Variants in ADRA1B observed in about 807,000 individuals in gnomAD.
ADRA1B encodes adrenoceptor alpha 1B, also known as alpha-1B adrenergic receptor.
Under a neutral mutation model 17.9 loss-of-function variants are expected in ADRA1B, and 17 were observed. The ratio of observed to expected loss-of-function variants is 0.95; its 90% confidence interval spans 0.65 to 1.42. ADRA1B has a LOEUF of 1.42. Among genes scored for constraint, ADRA1B ranks in the 40% most tolerant of loss-of-function variants. ADRA1B has a pLI of 0.00. For missense variants in ADRA1B, 681 were observed against 722.1 expected (o/e 0.94, Z 0.65); for synonymous variants, 366 against 327.6 (o/e 1.12, Z -1.27).
At chr5:159,934,809 C>T (rs1374135207) in intron 1 of ADRA1B, among the ~76,000 whole-genome samples, 2 of 148,102 alleles carry the variant, frequency 1.4e-5, no homozygotes, top group African/African-American at 2.5e-5. Context: ...CAGAGCCAGA[C>T]TCCATCTCAA....
rs1386148155 is a variant in ADRA1B, at chr5:159,875,930, C to T, written c.-256+10724C>T. ...AGGGCCGGGCATGGTGGCTCACGCC[C>T]GTAATCCCAACACTTTGGGAGGCTG... On this transcript the variant is annotated intron_variant, in intron 1 of 2. Transcript: ENST00000641205. 4.6e-5 allele frequency among the ~76,000 whole-genome samples: 7 copies of T among 152,162 alleles called. 1 individual carries two copies. The East Asian group carries it at 9.6e-4, about 21-fold the overall frequency.
chr5:159,946,602 C>T (rs1458253622), intron 1 of ADRA1B, among the ~76,000 whole-genome samples: 1 of 152,166 alleles, frequency 6.6e-6, no homozygotes, highest in East Asian at 1.9e-4. Flanking sequence ...TTTTCTAAAC[C>T]AAAAGTTGCA....
chr5:159,900,690 C>T (rs1754091414), intron 1 of ADRA1B, among the ~76,000 whole-genome samples: 1 of 152,248 alleles, frequency 6.6e-6, no homozygotes, highest in Non-Finnish European at 1.5e-5. Context: ...TCTCTTGTCT[C>T]TCTCCCTTCT....
chr5:159,886,016 C>T (rs986305151), intron 1 of ADRA1B, among the ~76,000 whole-genome samples: 4 of 152,140 alleles, frequency 2.6e-5, no homozygotes, highest in South Asian at 2.1e-4. Context: ...CCAGGGTCTG[C>T]GCATTTAATC....
chr5:159,946,048 G>T (rs1320143606), intron 1 of ADRA1B, among the ~76,000 whole-genome samples: 1 of 152,092 alleles, frequency 6.6e-6, no homozygotes, highest in East Asian at 1.9e-4. Flanking sequence ...CGCCCAGCCC[G>T]ATTTCTGTTT....
chr5:159,936,295 C>T (rs1754952855), intron 1 of ADRA1B, among the ~76,000 whole-genome samples: 1 of 152,200 alleles, frequency 6.6e-6, no homozygotes, highest in Non-Finnish European at 1.5e-5. Context: ...TGACATCAAG[C>T]ATTCTGTCAC....
chr5:159,875,774 C>A (rs1753794862), intron 1 of ADRA1B, among the ~76,000 whole-genome samples: 1 of 152,140 alleles, frequency 6.6e-6, no homozygotes, highest in African/African-American at 2.4e-5. Context: ...AGGTTTGAGT[C>A]CCCTGAATTA....
chr5:159,963,308 A>ATATATATC (rs1491526458), intron 1 of ADRA1B, among the ~76,000 whole-genome samples: 30 of 149,740 alleles, frequency 2.0e-4, no homozygotes, highest in Admixed American at 1.2e-3. Context: ...ATATATATAT[A>ATATATATC]TCCACACACA....
intron 1 of ADRA1B, among the ~76,000 whole-genome samples, chr5:159,905,740 C>T (rs1158209928): frequency 2.0e-5 from 3 of 152,150 alleles, no homozygotes; most frequent in African/African-American, 7.2e-5. Flanking sequence ...AACAAAGGAA[C>T]CTTGCCTAGA....
intron 1 of ADRA1B, chr5:159,937,655 G>A (rs1401142715): frequency 6.6e-6 from 1 of 152,066 alleles, no homozygotes; most frequent in Non-Finnish European, 1.5e-5. Flanking sequence ...TCACCGTGTT[G>A]GCCAAGCTAG....
intron 1 of ADRA1B, among the ~76,000 whole-genome samples, chr5:159,866,250 G>A (rs1206982324): frequency 2.7e-5 from 4 of 148,052 alleles, no homozygotes; most frequent in Admixed American, 2.0e-4. Flanking sequence ...ACGCTGCAGT[G>A]AGCAATGATC....
chr5:159,890,581 A>G (rs1323561524), intron 1 of ADRA1B, among the ~76,000 whole-genome samples: 1 of 152,180 alleles, frequency 6.6e-6, no homozygotes, highest in Non-Finnish European at 1.5e-5. Flanking sequence ...TCATTCATTC[A>G]TATGTCTGGC....
At chr5:159,952,062 T>C (rs1301610096) in intron 1 of ADRA1B, among the ~76,000 whole-genome samples, 2 of 152,190 alleles carry the variant, frequency 1.3e-5, no homozygotes, top group African/African-American at 4.8e-5. Context: ...ATCTGAAAAC[T>C]AGTGTATTCA....
chr5:159,899,626 T>G (rs1418756090), intron 1 of ADRA1B, among the ~76,000 whole-genome samples: 1 of 152,180 alleles, frequency 6.6e-6, no homozygotes, highest in Non-Finnish European at 1.5e-5. Flanking sequence ...TTGATGTAAA[T>G]GGATCCCCCT....
chr5:159,894,944 T>C (rs1754026306), intron 1 of ADRA1B, among the ~76,000 whole-genome samples: 1 of 152,232 alleles, frequency 6.6e-6, no homozygotes, highest in African/African-American at 2.4e-5. Context: ...CATGTTCACA[T>C]ACCTCCGCTA....
In ADRA1B at chr5:159,917,641, T is replaced by C. The variant is rs1232855515; in HGVS notation, c.736T>C (p.Ser246Pro). Reference sequence around the variant, plus strand: ...AGAGGCAGGAGTCATGAAGGAGATGTCCAACTCCAAGGAGCTGACCCTGAG... The same window carrying C: ...AGAGGCAGGAGTCATGAAGGAGATGCCCAACTCCAAGGAGCTGACCCTGAG... ...NLEAGVMKEM[S>P]NSKELTLRIH... Residue 246 changes from serine to proline, a missense_variant, in exon 1 of 2, where the codon TCC (serine) becomes CCC (proline). Coordinates refer to ENST00000306675, the MANE Select transcript of ADRA1B (RefSeq NM_000679.4). 1.9e-6 allele frequency: 3 copies of C among 1,613,598 alleles called. No homozygotes were observed. The highest frequency in any genetic ancestry group is 1.7e-5 in the Admixed American group (1 of 59,976).
intron 1 of ADRA1B, among the ~76,000 whole-genome samples, chr5:159,958,399 A>G (rs1300264174): frequency 6.6e-6 from 1 of 151,982 alleles, no homozygotes; most frequent in Non-Finnish European, 1.5e-5. Flanking sequence ...AAACTACATA[A>G]TTTCATTGAT....
At chr5:159,962,282 C>T (rs1755678002) in intron 1 of ADRA1B, among the ~76,000 whole-genome samples, 1 of 152,118 alleles carries the variant, frequency 6.6e-6, no homozygotes. Flanking sequence ...ACCACAGGCA[C>T]ATCAGGAACT....
At chr5:159,865,805 C>G (rs1753645642) in intron 1 of ADRA1B, among the ~76,000 whole-genome samples, 4 of 152,160 alleles carry the variant, frequency 2.6e-5, no homozygotes, top group Admixed American at 1.3e-4. Context: ...AACCTACATA[C>G]AAAAACACAA....
Sources: allele counts gnomAD v4.1 joint callset (sites outside exome capture counted in the v4.1 genomes callset), GRCh38; gene constraint gnomAD v4.1.1; transcripts MANE v1.5; gene names NCBI Gene and HGNC (gene_info 2026-07-23, HGNC 2026-07-21).